The following DENND1A variants were observed in gnomAD, a reference collection of about 807,000 sequenced individuals.
DENND1A encodes the protein DENN domain containing 1A, also known as DENN domain-containing protein 1A.
Under a neutral mutation model 113.7 loss-of-function variants are expected in DENND1A, and 51 were observed. The ratio of observed to expected loss-of-function variants is 0.45; its 90% CI spans 0.36 to 0.57. The LOEUF is 0.57. DENND1A is among the 20% of genes least tolerant of loss of function. The probability of loss-of-function intolerance (pLI) is 0.00; values close to 1 mark genes in which losing one functional copy is unlikely to be tolerated. For missense variants in DENND1A, 1,258 were observed against 1,395.9 expected, an observed-to-expected ratio of 0.90 and a Z score of 1.57; for synonymous variants, 565 against 570.8, an observed-to-expected ratio of 0.99 and a Z score of 0.14.
intron 12 of DENND1A, among the ~76,000 whole-genome samples, chr9:123,578,322 T>C (rs2058722596): frequency 6.6e-6 from 1 of 152,188 alleles, no homozygotes; most frequent in South Asian, 2.1e-4. Flanking sequence ...GGGATAACAA[T>C]CTTGTCTTGT....
At chr9:123,582,601 A>T (rs186802692) in intron 12 of DENND1A, among the ~76,000 whole-genome samples, 4 of 151,964 alleles carry the variant, frequency 2.6e-5, no homozygotes, top group African/African-American at 9.7e-5. Flanking sequence ...GTGTTTCACC[A>T]TGTTAGCCAG....
At chr9:123,466,062 G>A (rs774350005) in intron 13 of DENND1A, among the ~76,000 whole-genome samples, 4 of 152,046 alleles carry the variant, frequency 2.6e-5, no homozygotes, top group Admixed American at 6.6e-5. Flanking sequence ...GTGCAGTGGC[G>A]CGATCTCGGC....
intron 5 of DENND1A, among the ~76,000 whole-genome samples, chr9:123,678,048 AC>A (rs1374970932): frequency 3.3e-5 from 5 of 150,330 alleles, no homozygotes; most frequent in African/African-American, 1.2e-4. Flanking sequence ...ACTGTCCCTC[AC>A]CCCCTCCCCA....
chr9:123,636,752 G>A (rs936021447), intron 9 of DENND1A, among the ~76,000 whole-genome samples: 5 of 147,372 alleles, frequency 3.4e-5, no homozygotes, highest in African/African-American at 1.3e-4. Context: ...CCAGGCTGGA[G>A]TGCAATGGCG....
chr9:123,909,637 A>G (rs1853599497), intron 1 of DENND1A, among the ~76,000 whole-genome samples: 1 of 152,052 alleles, frequency 6.6e-6, no homozygotes, highest in African/African-American at 2.4e-5. Flanking sequence ...GAATTCAGGT[A>G]TAAGACCACT....
At chr9:123,723,055 G>A (rs1427719059) in intron 5 of DENND1A, among the ~76,000 whole-genome samples, 1 of 152,236 alleles carries the variant, frequency 6.6e-6, no homozygotes, top group Non-Finnish European at 1.5e-5. Flanking sequence ...AGCCACAGGG[G>A]CAGAGCTGCC....
rs1490673928 is a variant in DENND1A, at chr9:123,387,796, C to T, written c.1694G>A (p.Cys565Tyr). ...FLSEDSSDDE[C>Y]QREEGPSSGF... The stretch of plus-strand genomic sequence containing the variant: ...AGAGCTCGGGCCCTCTTCCCGCTGG[C>T]ATTCATCATCAGAGGAGTCTTCGGA... Residue 565 changes from cysteine to tyrosine, a missense_variant, in exon 22 of 24, where the codon TGC becomes TAC. This residue lies in a region of DENND1A where 1,159 missense variants were observed against 1,231.7 expected (regional missense o/e 0.94). Transcript: ENST00000394215. 2 of 1,289,990 alleles carry T rather than the reference C, an allele frequency of 1.6e-6. No homozygotes were observed. Among genetic ancestry groups the T allele is most frequent in the South Asian group, 1.2e-5 (1 of 81,028 alleles). The allele number at this position is 1,289,990 out of a possible 1,614,324, so 79.9% of individuals were successfully genotyped here. A position where few individuals can be genotyped will look rare whatever the true frequency, so the allele number is the denominator to read the frequency against.
At chr9:123,850,251 A>T (rs1211500401) in intron 2 of DENND1A, among the ~76,000 whole-genome samples, 1 of 152,184 alleles carries the variant, frequency 6.6e-6, no homozygotes, top group Non-Finnish European at 1.5e-5. Flanking sequence ...GTCTTACTTT[A>T]AAAAATTGCC....
intron 2 of DENND1A, among the ~76,000 whole-genome samples, chr9:123,864,452 TAA>T (rs1436285016): frequency 6.6e-6 from 1 of 152,118 alleles, no homozygotes; most frequent in Non-Finnish European, 1.5e-5. Flanking sequence ...GCCTAAAATG[TAA>T]AAAGTACAGG....
intron 3 of DENND1A, among the ~76,000 whole-genome samples, chr9:123,769,920 G>C (rs1365043443): frequency 6.6e-6 from 1 of 152,118 alleles, no homozygotes; most frequent in African/African-American, 2.4e-5. Context: ...GAGCCACATG[G>C]GTTTGGCCTG....
intron 19 of DENND1A, among the ~76,000 whole-genome samples, chr9:123,437,297 A>C (rs972565837): frequency 6.6e-6 from 1 of 152,222 alleles, no homozygotes; most frequent in Non-Finnish European, 1.5e-5. Flanking sequence ...ACTGAGGCAG[A>C]GGGCAAGGCA....
At chr9:123,559,485 C>T (rs929033500) in intron 12 of DENND1A, among the ~76,000 whole-genome samples, 36 of 152,072 alleles carry the variant, frequency 2.4e-4, no homozygotes, top group African/African-American at 7.7e-4. Flanking sequence ...TTTTTCTGGG[C>T]GCAGGATCCA....
intron 8 of DENND1A, among the ~76,000 whole-genome samples, chr9:123,654,845 C>T (rs1455848014): frequency 6.6e-6 from 1 of 152,216 alleles, no homozygotes; most frequent in Non-Finnish European, 1.5e-5. Flanking sequence ...GCCAACAGCC[C>T]TGGGAACCTC....
chr9:123,550,079 C>G (rs1314840886), intron 13 of DENND1A, among the ~76,000 whole-genome samples: 3 of 152,228 alleles, frequency 2.0e-5, no homozygotes, highest in Admixed American at 2.0e-4. Flanking sequence ...TATCAATCTG[C>G]TTTTATCTCA....
intron 3 of DENND1A, among the ~76,000 whole-genome samples, chr9:123,786,119 A>G (rs1832129965): frequency 6.6e-6 from 1 of 152,050 alleles, no homozygotes; most frequent in Admixed American, 6.6e-5. Context: ...AGGCTGAGAC[A>G]TAAGAATTGC....
intron 5 of DENND1A, among the ~76,000 whole-genome samples, chr9:123,713,302 A>G (rs1361311866): frequency 2.0e-5 from 3 of 152,278 alleles, no homozygotes; most frequent in African/African-American, 7.2e-5. Context: ...GACTAAAAGC[A>G]GAGTCCCTTC....
At chr9:123,558,540 AAAAGCCTCCTAGTAGCC>A (rs1426498558) in intron 12 of DENND1A, among the ~76,000 whole-genome samples, 1 of 152,214 alleles carries the variant, frequency 6.6e-6, no homozygotes, top group African/African-American at 2.4e-5. Context: ...AATTTGACTT[AAAAGCCTCCTAGTAGCC>A]AAAGCAAGGA....
rs550479041 is a variant in DENND1A at position 123,809,923 on chromosome 9, C to T, written c.89-17293G>A. On this transcript the variant is annotated intron_variant, in intron 2 of 23. Transcript: ENST00000394215. ...TGAACTTGATCAAGTGATCCGCCTACCTCAGCCTCCCAAAGTGCTGGGATT... is the reference window on the plus strand; with the variant it reads ...TGAACTTGATCAAGTGATCCGCCTATCTCAGCCTCCCAAAGTGCTGGGATT... Among the ~76,000 whole-genome samples, 13 of 152,324 alleles carry T rather than the reference C, an allele frequency of 8.5e-5. No individual in the cohort carries two copies. In the South Asian group the frequency reaches 2.1e-3, roughly 24 times the overall value.
chr9:123,630,516 G>A, intron 9 of DENND1A, 40 bp from the exon 10 acceptor site: 1 of 1,361,572 alleles, frequency 7.3e-7, no homozygotes, highest in Non-Finnish European at 9.9e-7. Context: ...ACAAATCCAA[G>A]GGAGGAGACA....
Sources: gnomAD v4.1 joint callset for allele counts (sites outside exome capture counted in the v4.1 genomes callset) on GRCh38, gnomAD v4.1.1 for gene constraint, gnomAD v4.1.1 regional missense constraint, MANE v1.5 for transcripts, NCBI Gene and HGNC (gene_info 2026-07-23, HGNC 2026-07-21) for gene names.